Variants in FXYD6 observed in about 807,000 individuals in gnomAD.
FXYD6 encodes the protein FXYD domain containing ion transport regulator 6, also known as FXYD domain-containing ion transport regulator 6.
In FXYD6, 7 loss-of-function variants were observed where a neutral mutation model predicts 16.7. The ratio of observed to expected loss-of-function variants is 0.42; its 90% CI spans 0.24 to 0.79. FXYD6 has a LOEUF of 0.79. FXYD6 is among the 30% of genes least tolerant of loss of function. The pLI is 0.28. For missense variants in FXYD6, 111 were observed against 116.2 expected, an observed-to-expected ratio of 0.95 and a Z score of 0.21; for synonymous variants, 49 against 43.0, an observed-to-expected ratio of 1.14 and a Z score of -0.54.
chr11:117,839,868 T>C (rs755215590), intron 6 of FXYD6, 38 bp from the exon 7 acceptor site: 2 of 1,613,786 alleles, frequency 1.2e-6, no homozygotes, highest in Non-Finnish European at 1.7e-6. Flanking sequence ...GTGTATAGAC[T>C]CCTCACCCCC....
chr11:117,858,637 TTCTTTCTTTCTTTC>T (rs1299675573), intron 1 of FXYD6, among the ~76,000 whole-genome samples: 4 of 20,562 alleles, frequency 1.9e-4, no homozygotes, highest in South Asian at 2.5e-3. Flanking sequence ...TCTTTTTTCT[TTCTTTCTTTCTTTC>T]TTTCTTTCTT....
intron 1 of FXYD6, among the ~76,000 whole-genome samples, chr11:117,868,035 G>C (rs1281542081): frequency 6.6e-6 from 1 of 152,148 alleles, no homozygotes. Flanking sequence ...ACTCCACGTA[G>C]ACCCCTTTCT....
chr11:117,871,337 T>C (rs1052202936), intron 1 of FXYD6, among the ~76,000 whole-genome samples: 3 of 152,150 alleles, frequency 2.0e-5, no homozygotes, highest in Admixed American at 2.0e-4. Flanking sequence ...TGATGAGGAC[T>C]CTTCCCCATG....
chr11:117,854,472 A>G (rs564762046), intron 1 of FXYD6, among the ~76,000 whole-genome samples: 2 of 152,328 alleles, frequency 1.3e-5, no homozygotes, highest in East Asian at 3.9e-4. Flanking sequence ...GTTCAAATCC[A>G]TTACACAAGC....
chr11:117,838,103 G>A lies in FXYD6; in HGVS notation c.*196C>T. ...TGGGCAGGACCGCAGGCTGCAGTGG[G>A]GAGGCAAGTGTTAGTTGCATCATCA... On this transcript the variant is annotated 3_prime_UTR_variant, in exon 8 of 8. Transcript: ENST00000526014. The A allele has an allele frequency of 1.4e-6, 1 of 692,974 alleles. No individual in the cohort carries two copies. The highest frequency in any genetic ancestry group is 1.5e-5 in the South Asian group (1 of 67,042). 42.9% of individuals were successfully genotyped at this position (692,974 alleles called of 1,614,324 possible).
chr11:117,876,814 C>T (rs1476967567), upstream of FXYD6: 5 of 152,310 alleles, frequency 3.3e-5, no homozygotes, highest in Non-Finnish European at 7.3e-5. Flanking sequence ...CTGCCGTCCG[C>T]TGGCTTCTGG....
intron 1 of FXYD6, among the ~76,000 whole-genome samples, chr11:117,858,519 G>T (rs1408654587): frequency 1.3e-5 from 2 of 152,004 alleles, no homozygotes; most frequent in Non-Finnish European, 2.9e-5. Context: ...CCCCAACTTT[G>T]TGCCCTAAAC....
intron 5 of FXYD6, 66 bp from the exon 6 acceptor site, chr11:117,840,434 T>C (rs1008031393): frequency 9.3e-6 from 15 of 1,606,482 alleles, no homozygotes; most frequent in Admixed American, 1.7e-5. Flanking sequence ...AGCATCGTTC[T>C]GCTCCTCACT....
At chr11:117,840,176 G>T in intron 6 of FXYD6, 143 bp downstream of exon 6, 2 of 1,029,498 alleles carry the variant, frequency 1.9e-6, no homozygotes, top group Non-Finnish European at 3.0e-6. Context: ...GGGCAATGCT[G>T]CAGAGGCCCT....
intron 1 of FXYD6, among the ~76,000 whole-genome samples, chr11:117,849,144 T>C (rs556187278): frequency 6.6e-6 from 1 of 152,364 alleles, no homozygotes; most frequent in Non-Finnish European, 1.5e-5. Flanking sequence ...TAAACAATAA[T>C]CAATAACCAC....
chr11:117,873,157 C>G (rs779858982), intron 1 of FXYD6, among the ~76,000 whole-genome samples: 3 of 152,154 alleles, frequency 2.0e-5, no homozygotes, highest in Non-Finnish European at 4.4e-5. Flanking sequence ...TTCTAGGGCA[C>G]CTTCTGCCAC....
chr11:117,875,236 T>C (rs55861399), intron 1 of FXYD6, among the ~76,000 whole-genome samples: 18,926 of 151,924 alleles, frequency 0.12, 1,225 homozygotes, highest in Middle Eastern at 0.18. Flanking sequence ...TATGTATGTG[T>C]GGTGTGAGTG....
intron 7 of FXYD6, chr11:117,838,847 G>A (rs1369159867): frequency 2.5e-5 from 4 of 160,450 alleles, no homozygotes; most frequent in Admixed American, 1.2e-4. Flanking sequence ...ACAGGCACAC[G>A]ATATTGTTAC....
chr11:117,868,956 A>G (rs1225935791), intron 1 of FXYD6: 1 of 152,258 alleles, frequency 6.6e-6, no homozygotes, highest in East Asian at 1.9e-4. Context: ...TCAGAGCCTC[A>G]GAGCAAACAA....
intron 1 of FXYD6, among the ~76,000 whole-genome samples, chr11:117,849,326 TC>T (rs2056549407): frequency 6.6e-6 from 1 of 152,258 alleles, no homozygotes; most frequent in Admixed American, 6.5e-5. Context: ...GTTATTGACT[TC>T]TAACTTAAGT....
At chr11:117,848,167 A>G (rs2056517170) in intron 1 of FXYD6, among the ~76,000 whole-genome samples, 1 of 152,216 alleles carries the variant, frequency 6.6e-6, no homozygotes, top group Admixed American at 6.5e-5. Context: ...ACACACACGC[A>G]CACAACACGT....
intron 1 of FXYD6, among the ~76,000 whole-genome samples, chr11:117,850,699 C>A (rs139595673): frequency 6.6e-6 from 1 of 151,450 alleles, no homozygotes; most frequent in African/African-American, 2.4e-5. Context: ...CACTATGTTA[C>A]GTAGGCTGGT....
At chr11:117,861,936 G>A (rs903039519) in intron 1 of FXYD6, among the ~76,000 whole-genome samples, 1 of 152,246 alleles carries the variant, frequency 6.6e-6, no homozygotes, top group African/African-American at 2.4e-5. Flanking sequence ...GTGGCCCAGG[G>A]AGGACACATC....
chr11:117,844,780 C>T (rs1231585136), intron 1 of FXYD6, among the ~76,000 whole-genome samples: 3 of 152,202 alleles, frequency 2.0e-5, no homozygotes, highest in East Asian at 3.8e-4. Flanking sequence ...CGTGAGCCAC[C>T]GCGCCTGGCT....
Sources: gnomAD v4.1 joint callset for allele counts (sites outside exome capture counted in the v4.1 genomes callset) on GRCh38, gnomAD v4.1.1 for gene constraint, MANE v1.5 for transcripts, NCBI Gene and HGNC (gene_info 2026-07-23, HGNC 2026-07-21) for gene names.